The following ABI3BP variants were observed in gnomAD, a reference collection of about 807,000 sequenced individuals.
The protein encoded by ABI3BP is ABI family member 3 binding protein, also known as target of Nesh-SH3.
ABI3BP carries 216 observed loss-of-function variants against 268.6 expected under a neutral mutation model. The observed-to-expected ratio is 0.80, with a 90% CI of 0.72 to 0.90. The LOEUF is 0.90. Ranked by LOEUF, ABI3BP falls within the 40% of genes least tolerant of loss-of-function variation. ABI3BP has a pLI of 0.00. For synonymous variants in ABI3BP, 730 were observed against 730.0 expected (o/e 1.00, Z 0.00); for missense variants, 2,090 against 2,182.4 (o/e 0.96, Z 0.84).
rs761943009 is a variant in ABI3BP at position 100,864,025 on chromosome 3, A to C, written c.1115T>G (p.Phe372Cys). Reference sequence around the variant, plus strand: ...ACCTAGAGTGCTCAGTGGCAATTCAAACTGAGGTATTAGAATAGTTTGCAA... The same window carrying C: ...ACCTAGAGTGCTCAGTGGCAATTCACACTGAGGTATTAGAATAGTTTGCAA... The part of the protein sequence containing the change: ...ETLQTILIPQ[F>C]ELPLSTLAPK... Residue 372 changes from phenylalanine (F) to cysteine (C), a missense_variant, in exon 12 of 68, where the codon TTT becomes TGT. Phe to Cys is a radical substitution (Grantham distance 205). Coordinates refer to ENST00000471714, the MANE Select transcript of ABI3BP (RefSeq NM_001375547.2). 97 of 1,535,678 alleles carry C rather than the reference A, an allele frequency of 6.3e-5. No individual in the cohort carries two copies. The highest frequency in any genetic ancestry group is 8.3e-5 in the Non-Finnish European group (95 of 1,146,452).
At chr3:100,887,243 A>G (rs567302186) in intron 4 of ABI3BP, among the ~76,000 whole-genome samples, 1 of 152,060 alleles carries the variant, frequency 6.6e-6, no homozygotes, top group Non-Finnish European at 1.5e-5. Context: ...AGTACAGTAT[A>G]CTACTATATA....
intron 63 of ABI3BP, among the ~76,000 whole-genome samples, chr3:100,763,825 A>G (rs771907500): frequency 6.6e-6 from 1 of 152,230 alleles, no homozygotes; most frequent in Non-Finnish European, 1.5e-5. Context: ...ATGAACAAAA[A>G]GTTATTTTTT....
rs536059198 is a variant in ABI3BP at position 100,834,037 on chromosome 3, T to C, written c.2281+647A>G. 1.2e-4 allele frequency among the ~76,000 whole-genome samples: 19 copies of C among 152,262 alleles called. No homozygotes were observed. The South Asian group carries it at 3.9e-3, about 32-fold the overall frequency. ...CTGGGCTACAGTGCAAGGGTGCAAT[T>C]GTAGCTCACTGCAGTCTCGACTTCC... On this transcript the variant is annotated intron_variant, in intron 29 of 67. Coordinates refer to ENST00000471714, the MANE Select transcript of ABI3BP (RefSeq NM_001375547.2).
intron 57 of ABI3BP, among the ~76,000 whole-genome samples, chr3:100,787,210 T>G (rs758889283): frequency 1.3e-5 from 2 of 152,226 alleles, no homozygotes; most frequent in Non-Finnish European, 2.9e-5. Context: ...CTATGTTATT[T>G]AAGATGAATG....
At chr3:100,903,805 G>T (rs1458057145) in intron 2 of ABI3BP, among the ~76,000 whole-genome samples, 9 of 152,108 alleles carry the variant, frequency 5.9e-5, no homozygotes, top group Non-Finnish European at 1.3e-4. Flanking sequence ...CAGCACTATT[G>T]GCTATAACCT....
chr3:100,884,336 T>C (rs1395497372), intron 6 of ABI3BP, among the ~76,000 whole-genome samples: 1 of 152,124 alleles, frequency 6.6e-6, no homozygotes, highest in Non-Finnish European at 1.5e-5. Context: ...TTTTTGTATT[T>C]ATATCTGAAA....
At chr3:100,802,205 T>C (rs1216903516) in intron 51 of ABI3BP, among the ~76,000 whole-genome samples, 1 of 152,156 alleles carries the variant, frequency 6.6e-6, no homozygotes, top group Admixed American at 6.5e-5. Context: ...TGACTACACA[T>C]AAGAATTTTC....
Position 100,825,792 on chromosome 3 carries a change from T to A in ABI3BP, c.2655A>T (p.Thr885=). The A allele has an allele frequency of 6.5e-7, 1 of 1,535,526 alleles. No individual in the cohort carries two copies. Among genetic ancestry groups the A allele is most frequent in the East Asian group, 2.4e-5 (1 of 40,896 alleles). Residue 885 remains threonine, a synonymous_variant, in exon 35 of 68, where the codon ACA becomes ACT. Transcript: ENST00000471714. The part of the protein sequence containing the change: ...PVTFRTEIPA[T]TLATKTSKRT... The stretch of plus-strand genomic sequence containing the variant: ...TAATTGTAGGGTCGTTACCTAAGGT[T>A]GTTGCAGGGATCTCAGTTCTAAAAG...
chr3:100,749,562 A>T lies in ABI3BP; in HGVS notation c.*933T>A. On this transcript the variant is annotated 3_prime_UTR_variant, in exon 68 of 68. Coordinates refer to ENST00000471714, the MANE Select transcript of ABI3BP (RefSeq NM_001375547.2). ...AGATTTTTATTACAGATTGAATTAA[A>T]CAGTTACAAAGACATTCTCTGATAC... 1 of 284,514 alleles carries T rather than the reference A, an allele frequency of 3.5e-6. No individual in the cohort carries two copies. The highest frequency in any genetic ancestry group is 6.4e-6 in the Non-Finnish European group (1 of 155,990). 17.6% of individuals were successfully genotyped at this position (284,514 alleles called of 1,614,324 possible). A position where few individuals can be genotyped will look rare whatever the true frequency, so the allele number is the denominator to read the frequency against.
intron 2 of ABI3BP, chr3:100,914,367 A>T: frequency 2.3e-6 from 1 of 436,820 alleles, no homozygotes; most frequent in South Asian, 1.6e-5. Context: ...AGTCTTTAAG[A>T]TGCAGTCTGC....
At chr3:100,814,230 C>A (rs558773055) in intron 44 of ABI3BP, among the ~76,000 whole-genome samples, 28 of 152,146 alleles carry the variant, frequency 1.8e-4, no homozygotes, top group Non-Finnish European at 3.5e-4. Context: ...AAAGCAGGAG[C>A]CTATTTGGAA....
At chr3:100,839,808 A>G (rs1316367990) in intron 23 of ABI3BP, among the ~76,000 whole-genome samples, 192 bp from the exon 24 acceptor site, 1 of 152,168 alleles carries the variant, frequency 6.6e-6, no homozygotes, top group Non-Finnish European at 1.5e-5. Flanking sequence ...TGTACATCAT[A>G]AGATTTCAAG....
At chr3:100,939,444 GGA>G in intron 1 of ABI3BP, among the ~76,000 whole-genome samples, 1 of 152,050 alleles carries the variant, frequency 6.6e-6, no homozygotes, top group East Asian at 1.9e-4. Context: ...AAAAATAAAG[GGA>G]GAGAGTACAA....
At chr3:100,787,256 A>C (rs2150559265) in intron 57 of ABI3BP, among the ~76,000 whole-genome samples, 1 of 152,264 alleles carries the variant, frequency 6.6e-6, no homozygotes, top group African/African-American at 2.4e-5. Context: ...CAGGGTAACC[A>C]GATGCGAATT....
chr3:100,751,187 T>C (rs1219339566), intron 67 of ABI3BP, among the ~76,000 whole-genome samples: 2 of 152,184 alleles, frequency 1.3e-5, no homozygotes, highest in Admixed American at 6.5e-5. Context: ...ATTTTTTCCA[T>C]TTATGATAGC....
rs1184984051 is a variant in ABI3BP at position 100,863,987 on chromosome 3, T to C, written c.1138+15A>G. 1 of 1,492,234 alleles carries C rather than the reference T, an allele frequency of 6.7e-7. No homozygotes were observed. The highest frequency in any genetic ancestry group is 1.4e-5 in the African/African-American group (1 of 72,102). The allele number at this position is 1,492,234 out of a possible 1,614,324, so 92.4% of individuals were successfully genotyped here. On this transcript the variant is annotated intron_variant, in intron 12 of 67. Transcript: ENST00000471714. ...CCAAGGTAATAATAAAGCTGCAGTA[T>C]TTATTATTTTTTACCTAGAGTGCTC...
chr3:100,749,373 C>CTTGT lies in ABI3BP; in HGVS notation c.*1118_*1121dup, dbSNP rs1055747273. 7.9e-5 allele frequency: 22 copies of CTTGT among 278,530 alleles called. No individual in the cohort carries two copies. The highest frequency in any genetic ancestry group is 9.1e-4 in the Middle Eastern group (1 of 1,100). 17.3% of individuals were successfully genotyped at this position (278,530 alleles called of 1,614,324 possible). On this transcript the variant is annotated 3_prime_UTR_variant, in exon 68 of 68. Transcript: ENST00000471714. The stretch of plus-strand genomic sequence containing the variant: ...ACATCTCTTTATTGCAGAATTTATA[C>CTTGT]TTGTTTGAAAAATACAAAATGTAGC...
intron 43 of ABI3BP, chr3:100,816,297 T>G: frequency 2.2e-6 from 1 of 450,096 alleles, no homozygotes; most frequent in Non-Finnish European, 3.9e-6. Flanking sequence ...CAGAGAGAAA[T>G]ATATATGAAA....
chr3:100,802,466 G>A (rs1252973116), intron 51 of ABI3BP, among the ~76,000 whole-genome samples: 1 of 152,170 alleles, frequency 6.6e-6, no homozygotes, highest in Non-Finnish European at 1.5e-5. Flanking sequence ...TTCTTCCAAG[G>A]TAGATGTGGA....
Sources: allele counts gnomAD v4.1 joint callset (sites outside exome capture counted in the v4.1 genomes callset), GRCh38; gene constraint gnomAD v4.1.1; transcripts MANE v1.5; gene names NCBI Gene and HGNC (gene_info 2026-07-23, HGNC 2026-07-21).